The following PRKDC variants were observed in gnomAD, a reference collection of about 807,000 sequenced individuals.
PRKDC encodes protein kinase, DNA-activated, catalytic subunit.
PRKDC carries 82 observed loss-of-function variants against 486.9 expected under a neutral mutation model. The ratio of observed to expected loss-of-function variants is 0.17; its 90% CI spans 0.14 to 0.20. The LOEUF (loss-of-function observed/expected upper bound fraction) is 0.20. Among genes scored for constraint, PRKDC ranks in the 10% least tolerant of loss-of-function variants. The probability of loss-of-function intolerance (pLI) is 1.00; values close to 1 mark genes in which losing one functional copy is unlikely to be tolerated. For synonymous variants in PRKDC, 1,895 were observed against 1,837.0 expected, an observed-to-expected ratio of 1.03 and a Z score of -0.81; for missense variants, 4,504 against 5,038.2, an observed-to-expected ratio of 0.89 and a Z score of 3.21.
chr8:47,928,011 C>G lies in PRKDC; in HGVS notation c.2140-121G>C, dbSNP rs1052232743. 3.1e-5 allele frequency: 27 copies of G among 882,964 alleles called. 1 individual carries two copies. In the Admixed American group the frequency reaches 9.9e-4, roughly 32 times the overall value. 54.7% of individuals were successfully genotyped at this position (882,964 alleles called of 1,614,324 possible). A position where few individuals can be genotyped will look rare whatever the true frequency, so the allele number is the denominator to read the frequency against. ...GGCACGTAGCCTTTATTGACATGAC[C>G]ACATTCACTTACAAATTACACACTA... On this transcript the variant is annotated intron_variant, in intron 19 of 85. Transcript: ENST00000314191.
chr8:47,925,381 A>G (rs1320759212), intron 21 of PRKDC, among the ~76,000 whole-genome samples: 1 of 152,252 alleles, frequency 6.6e-6, no homozygotes, highest in Admixed American at 6.5e-5. Flanking sequence ...AGACAAACCC[A>G]CATAGAAGGA....
At chr8:47,934,237 G>A in intron 14 of PRKDC, 147 bp from the exon 15 acceptor site, 1 of 1,047,802 alleles carries the variant, frequency 9.5e-7, no homozygotes. Context: ...TATTAAAAAA[G>A]CATAATTTAA....
At chr8:47,804,187 C>T (rs1469884652) in intron 69 of PRKDC, among the ~76,000 whole-genome samples, 3 of 151,986 alleles carry the variant, frequency 2.0e-5, no homozygotes, top group Non-Finnish European at 2.9e-5. Flanking sequence ...TTTTGTGTCT[C>T]GCATCTTTTA....
At chr8:47,944,081 A>C in intron 7 of PRKDC, 52 bp from the exon 8 acceptor site, 1 of 1,409,596 alleles carries the variant, frequency 7.1e-7, no homozygotes, top group Non-Finnish European at 9.8e-7. Flanking sequence ...GTATCACATA[A>C]CACACTTTAC....
intron 68 of PRKDC, among the ~76,000 whole-genome samples, chr8:47,814,704 TA>T (rs1221032407): frequency 6.6e-6 from 1 of 152,182 alleles, no homozygotes; most frequent in East Asian, 1.9e-4. Flanking sequence ...TATGCCATAT[TA>T]ATGAACTCGA....
At chr8:47,877,933 A>T (rs1266342519) in intron 39 of PRKDC, 82 bp from the exon 40 acceptor site, 3 of 1,049,046 alleles carry the variant, frequency 2.9e-6, no homozygotes, top group Non-Finnish European at 3.7e-6. Context: ...CTAAAAATAT[A>T]AAAAGTTTCT....
At chr8:47,900,307 C>T (rs1444565177) in intron 28 of PRKDC, 66 bp downstream of exon 28, 2 of 1,190,370 alleles carry the variant, frequency 1.7e-6, no homozygotes, top group Non-Finnish European at 2.3e-6. Context: ...TCACACGAGC[C>T]TTAACTCCTC....
At chr8:47,861,347 A>C (rs1308246037) in intron 44 of PRKDC, among the ~76,000 whole-genome samples, 1 of 152,222 alleles carries the variant, frequency 6.6e-6, no homozygotes, top group Non-Finnish European at 1.5e-5. Context: ...TATAGAAGTA[A>C]CATACAGCAT....
In PRKDC at chr8:47,854,039, G is replaced by A. The variant is rs764496166; in HGVS notation, c.6893+44C>T. 5 of 1,606,080 alleles carry A rather than the reference G, an allele frequency of 3.1e-6. No homozygotes were observed. The East Asian group carries it at 8.9e-5, about 29-fold the overall frequency. ...CACCATACTGAAGTCTGTCAATCCAGTTTGGGTAGACGTGACCTAAAAAAT... is the reference window on the plus strand; with the variant it reads ...CACCATACTGAAGTCTGTCAATCCAATTTGGGTAGACGTGACCTAAAAAAT... On this transcript the variant is annotated intron_variant, in intron 51 of 85. Transcript: ENST00000314191.
intron 21 of PRKDC, among the ~76,000 whole-genome samples, chr8:47,920,994 C>G (rs1182589991): frequency 6.6e-6 from 1 of 152,154 alleles, no homozygotes; most frequent in Non-Finnish European, 1.5e-5. Context: ...TGGCTCACGC[C>G]TGTAATCCCA....
chr8:47,939,949 T>TTA, intron 10 of PRKDC: 1 of 145,218 alleles, frequency 6.9e-6, no homozygotes, highest in Non-Finnish European at 1.3e-5. Context: ...CACATAAGTC[T>TTA]GAAAAAAAAA....
intron 29 of PRKDC, among the ~76,000 whole-genome samples, chr8:47,897,677 A>G (rs1322944003): frequency 1.3e-5 from 2 of 152,180 alleles, no homozygotes; most frequent in Non-Finnish European, 2.9e-5. Context: ...GCCCTACCCC[A>G]GGGGTACACA....
At chr8:47,846,955 GA>G (rs1418051123) in intron 54 of PRKDC, among the ~76,000 whole-genome samples, 13 of 152,130 alleles carry the variant, frequency 8.5e-5, no homozygotes, top group Non-Finnish European at 1.9e-4. Flanking sequence ...CCAAGGAGGT[GA>G]AAGATCTCTA....
At chr8:47,844,910 A>G (rs189371308) in intron 54 of PRKDC, among the ~76,000 whole-genome samples, 18 of 152,326 alleles carry the variant, frequency 1.2e-4, no homozygotes, top group African/African-American at 4.3e-4. Flanking sequence ...AACATCGCAT[A>G]TAAACTAGAA....
intron 60 of PRKDC, 135 bp from the exon 61 acceptor site, chr8:47,830,871 G>GT: frequency 2.8e-6 from 3 of 1,064,972 alleles, no homozygotes; most frequent in Non-Finnish European, 4.2e-6. Flanking sequence ...CAGAGGCTCA[G>GT]TCGCCGTACT....
intron 63 of PRKDC, 97 bp from the exon 64 acceptor site, chr8:47,824,093 T>G (rs1316600960): frequency 8.4e-7 from 1 of 1,196,194 alleles, no homozygotes; most frequent in Non-Finnish European, 1.1e-6. Context: ...TGCCACACAT[T>G]ATATTAACAA....
chr8:47,895,811 C>A (rs1220266650), intron 30 of PRKDC, among the ~76,000 whole-genome samples: 1 of 152,172 alleles, frequency 6.6e-6, no homozygotes, highest in Non-Finnish European at 1.5e-5. Context: ...GAGGCAGAGG[C>A]TGGCAGATTA....
intron 49 of PRKDC, among the ~76,000 whole-genome samples, chr8:47,855,677 T>TGGACAGGGGTCGCCTGCA (rs1251272046): frequency 1.3e-5 from 2 of 152,246 alleles, no homozygotes; most frequent in African/African-American, 4.8e-5. Flanking sequence ...TCTGAGGCCC[T>TGGACAGGGGTCGCCTGCA]GGACAGGGGT....
Position 47,935,811 on chromosome 8 carries a change from C to A in PRKDC, c.1368G>T (p.Val456=), listed in dbSNP as rs781253650. The A allele has an allele frequency of 2.5e-6, 4 of 1,613,902 alleles. No individual in the cohort carries two copies. Among genetic ancestry groups the A allele is most frequent in the African/African-American group, 1.3e-5 (1 of 74,944 alleles). Residue 456 remains valine (V), a synonymous_variant, in exon 13 of 86, where the codon GTG becomes GTT. Coordinates refer to ENST00000314191, the MANE Select transcript of PRKDC (RefSeq NM_006904.7). ...ACACCTTCACTATGGCTCTGCAACA[C>A]ACCAGCTGCATTTTTGGACTGTACT... ...FPQYSPKMQL[V]CCRAIVKVFL...
Sources: gnomAD v4.1 joint callset for allele counts (sites outside exome capture counted in the v4.1 genomes callset) on GRCh38, gnomAD v4.1.1 for gene constraint, MANE v1.5 for transcripts, NCBI Gene and HGNC (gene_info 2026-07-23, HGNC 2026-07-21) for gene names.